The following LRRC49 variants were observed in gnomAD, a reference collection of about 807,000 sequenced individuals.
The protein encoded by LRRC49 is leucine rich repeat containing 49.
LRRC49 carries 50 observed loss-of-function variants against 83.3 expected under a neutral mutation model. That is an observed-to-expected ratio of 0.60 (90% confidence interval 0.48 to 0.76). LRRC49 has a LOEUF of 0.76. LRRC49 is among the 30% of genes least tolerant of loss of function. LRRC49 has a pLI of 0.00. For missense variants in LRRC49, 704 were observed against 809.1 expected (o/e 0.87, Z 1.58); for synonymous variants, 286 against 283.3 (o/e 1.01, Z -0.10).
chr15:70,911,057 G>A (rs1021882424), intron 5 of LRRC49, among the ~76,000 whole-genome samples: 1 of 152,124 alleles, frequency 6.6e-6, no homozygotes, highest in African/African-American at 2.4e-5. Context: ...GAACATTAGG[G>A]GAGTAGGAAC....
chr15:71,045,116 G>A (rs570115121), intron 15 of LRRC49, among the ~76,000 whole-genome samples: 3 of 151,938 alleles, frequency 2.0e-5, no homozygotes, highest in South Asian at 2.1e-4. Flanking sequence ...GGATGGTCTC[G>A]ATCTCCAGAC....
At chr15:70,883,531 A>G (rs2033323120) in intron 2 of LRRC49, among the ~76,000 whole-genome samples, 1 of 152,144 alleles carries the variant, frequency 6.6e-6, no homozygotes, top group South Asian at 2.1e-4. Context: ...TTGATATCTT[A>G]GCAGTCATAT....
intron 11 of LRRC49, among the ~76,000 whole-genome samples, chr15:70,995,018 C>T (rs1043311000): frequency 6.6e-6 from 1 of 152,108 alleles, no homozygotes; most frequent in Admixed American, 6.5e-5. Flanking sequence ...GCAACTTTAG[C>T]CTGAATGGTT....
intron 2 of LRRC49, chr15:70,882,470 T>G: frequency 6.2e-7 from 1 of 1,610,942 alleles, no homozygotes; most frequent in Non-Finnish European, 8.5e-7. Context: ...TGTTTCTTCT[T>G]TCACCTGTAC....
intron 7 of LRRC49, among the ~76,000 whole-genome samples, chr15:70,933,433 G>A (rs575909120): frequency 6.6e-6 from 1 of 152,206 alleles, no homozygotes; most frequent in East Asian, 1.9e-4. Flanking sequence ...GTTACCTCCA[G>A]AAAGGATATG....
chr15:70,985,575 A>G lies in LRRC49; in HGVS notation c.1169+1318A>G, dbSNP rs1004809367. 2.6e-4 allele frequency among the ~76,000 whole-genome samples: 40 copies of G among 152,158 alleles called. No homozygotes were observed. In the South Asian group the frequency reaches 3.5e-3, roughly 13 times the overall value. On this transcript the variant is annotated intron_variant, in intron 11 of 15. Coordinates refer to ENST00000260382, the MANE Select transcript of LRRC49 (RefSeq NM_017691.5). ...TTGGGAAAATTTTCTCCCATTTTGT[A>G]AGTTGCCTGTTCACTCTGATGGTAG...
chr15:70,999,773 C>A (rs530135523), intron 11 of LRRC49, among the ~76,000 whole-genome samples: 1 of 152,324 alleles, frequency 6.6e-6, no homozygotes, highest in Admixed American at 6.5e-5. Flanking sequence ...CCTTCTCAGC[C>A]TTTTTGGTCT....
intron 1 of LRRC49, among the ~76,000 whole-genome samples, chr15:70,868,533 T>A (rs2032960035): frequency 6.6e-6 from 1 of 152,242 alleles, no homozygotes; most frequent in Non-Finnish European, 1.5e-5. Context: ...AAATTGAGCA[T>A]GCATCAGAAT....
intron 13 of LRRC49, among the ~76,000 whole-genome samples, chr15:71,010,609 G>A (rs1352902499): frequency 6.6e-6 from 1 of 152,028 alleles, no homozygotes; most frequent in South Asian, 2.1e-4. Context: ...ACTGTGCCAT[G>A]ACTACATTGG....
At chr15:70,947,835 C>T (rs2036064396) in intron 8 of LRRC49, among the ~76,000 whole-genome samples, 1 of 152,128 alleles carries the variant, frequency 6.6e-6, no homozygotes, top group Non-Finnish European at 1.5e-5. Context: ...TGAATCGCCG[C>T]AGCCAGGGAC....
At chr15:70,987,606 T>C (rs1443737997) in intron 11 of LRRC49, among the ~76,000 whole-genome samples, 1 of 152,190 alleles carries the variant, frequency 6.6e-6, no homozygotes, top group African/African-American at 2.4e-5. Context: ...TCATTAATTT[T>C]TTGAAGGGTT....
intron 10 of LRRC49, among the ~76,000 whole-genome samples, chr15:70,983,599 G>A (rs182253680): frequency 3.9e-5 from 6 of 152,072 alleles, no homozygotes; most frequent in East Asian, 3.9e-4. Flanking sequence ...AATTTATTCT[G>A]AGAAACTTGG....
chr15:70,891,471 A>G (rs1008622552), upstream of LRRC49, among the ~76,000 whole-genome samples: 1 of 152,128 alleles, frequency 6.6e-6, no homozygotes, highest in Admixed American at 6.5e-5. Context: ...AGTTTCAAGC[A>G]CTCCAATCCT....
At chr15:70,920,057 T>C (rs977358495) in intron 7 of LRRC49, among the ~76,000 whole-genome samples, 7 of 152,220 alleles carry the variant, frequency 4.6e-5, no homozygotes, top group African/African-American at 1.7e-4. Flanking sequence ...AGGAACATTA[T>C]TTGCTCTTTT....
chr15:70,941,142 CAGAAAATAGGTGAAAAT>C (rs1319343597), intron 8 of LRRC49, among the ~76,000 whole-genome samples: 1 of 152,010 alleles, frequency 6.6e-6, no homozygotes, highest in Non-Finnish European at 1.5e-5. Context: ...TTCTTTTAGT[CAGAAAATAGGTGAAAAT>C]AGATATTCAC....
Position 71,049,675 on chromosome 15 carries a change from G to A in LRRC49, c.*63G>A, listed in dbSNP as rs2141317893. ...TTTTTTGAAGGTTGAAAATATGCAGGTTATACATGTTAAAACAACAACAAC... is the reference window on the plus strand; with the variant it reads ...TTTTTTGAAGGTTGAAAATATGCAGATTATACATGTTAAAACAACAACAAC... On this transcript the variant is annotated 3_prime_UTR_variant, in exon 16 of 16. Coordinates refer to ENST00000260382, the MANE Select transcript of LRRC49 (RefSeq NM_017691.5). 2.9e-6 allele frequency: 3 copies of A among 1,051,348 alleles called. No homozygotes were observed. Among genetic ancestry groups the A allele is most frequent in the Non-Finnish European group, 4.3e-6 (3 of 696,780 alleles). 65.1% of individuals were successfully genotyped at this position (1,051,348 alleles called of 1,614,324 possible).
chr15:70,853,720 C>T (rs925728132), intron 1 of LRRC49, among the ~76,000 whole-genome samples: 2 of 152,176 alleles, frequency 1.3e-5, no homozygotes, highest in African/African-American at 4.8e-5. Flanking sequence ...CCGGCTGCCT[C>T]CACGGGCCGG....
At chr15:70,974,357 T>G (rs546156096) in intron 9 of LRRC49, among the ~76,000 whole-genome samples, 1 of 152,338 alleles carries the variant, frequency 6.6e-6, no homozygotes, top group Admixed American at 6.5e-5. Context: ...GTAAATTGTA[T>G]GACATGGTTA....
At chr15:71,014,394 G>A (rs909770482) in intron 14 of LRRC49, among the ~76,000 whole-genome samples, 2 of 151,514 alleles carry the variant, frequency 1.3e-5, no homozygotes, top group Admixed American at 1.3e-4. Flanking sequence ...GGTTTTCATA[G>A]AAAAAGATTA....
Sources: allele counts gnomAD v4.1 joint callset (sites outside exome capture counted in the v4.1 genomes callset), GRCh38; gene constraint gnomAD v4.1.1; transcripts MANE v1.5; gene names NCBI Gene and HGNC (gene_info 2026-07-23, HGNC 2026-07-21).